Variants in SYT9 observed in about 807,000 individuals in gnomAD.
SYT9 encodes synaptotagmin 9.
A neutral mutation model predicts 48.4 loss-of-function variants in SYT9; 22 were observed. The ratio of observed to expected loss-of-function variants is 0.45; its 90% CI spans 0.32 to 0.65. The LOEUF (loss-of-function observed/expected upper bound fraction) is 0.65, where lower values mean the gene tolerates loss of function less well. Ranked by LOEUF, SYT9 falls within the 30% of genes least tolerant of loss-of-function variation. SYT9 has a pLI of 0.03. For missense variants in SYT9, 577 were observed against 622.0 expected (o/e 0.93, Z 0.77); for synonymous variants, 265 against 245.0 (o/e 1.08, Z -0.76).
chr11:7,408,820 AT>A (rs978196426), intron 3 of SYT9, among the ~76,000 whole-genome samples: 22 of 151,678 alleles, frequency 1.5e-4, no homozygotes, highest in African/African-American at 4.8e-4. Flanking sequence ...TTATTATTTC[AT>A]TTTTTTTAAT....
upstream of SYT9, among the ~76,000 whole-genome samples, chr11:7,247,770 T>C (rs1847813124): frequency 6.6e-6 from 1 of 151,732 alleles, no homozygotes; most frequent in African/African-American, 2.4e-5. Context: ...CAATTGTGAA[T>C]TGTGCTGCTA....
intron 1 of SYT9, among the ~76,000 whole-genome samples, 195 bp from the exon 2 acceptor site, chr11:7,302,844 T>C: frequency 6.6e-6 from 1 of 152,224 alleles, no homozygotes; most frequent in East Asian, 1.9e-4. Context: ...TTCTGCTCAC[T>C]GGTCCTCTGG....
intron 6 of SYT9, among the ~76,000 whole-genome samples, chr11:7,425,782 C>T (rs967530203): frequency 2.0e-5 from 3 of 151,960 alleles, no homozygotes; most frequent in South Asian, 2.1e-4. Context: ...TAGGGGATGG[C>T]GAAAGAGAAG....
intron 3 of SYT9, among the ~76,000 whole-genome samples, chr11:7,322,549 A>G (rs542154690): frequency 2.2e-4 from 34 of 152,192 alleles, no homozygotes; most frequent in Admixed American, 3.9e-4. Context: ...GAGGGAGTGA[A>G]AAGTGGCAGC....
chr11:7,299,233 C>A (rs1380567163), intron 1 of SYT9, among the ~76,000 whole-genome samples: 1 of 152,216 alleles, frequency 6.6e-6, no homozygotes, highest in Non-Finnish European at 1.5e-5. Flanking sequence ...GATGCTCCCT[C>A]TCCATTTTTG....
At chr11:7,465,998 T>C (rs1446350274) in intron 6 of SYT9, among the ~76,000 whole-genome samples, 1 of 152,116 alleles carries the variant, frequency 6.6e-6, no homozygotes, top group East Asian at 1.9e-4. Context: ...ACAACTCAAG[T>C]TGAGATTTGG....
chr11:7,442,120 C>T (rs1366015837), intron 6 of SYT9, among the ~76,000 whole-genome samples: 2 of 152,148 alleles, frequency 1.3e-5, no homozygotes, highest in Non-Finnish European at 2.9e-5. Context: ...CACTGAGAAA[C>T]TCTCCAGATA....
chr11:7,354,905 A>C (rs1849987148), intron 3 of SYT9, among the ~76,000 whole-genome samples: 1 of 151,948 alleles, frequency 6.6e-6, no homozygotes, highest in Non-Finnish European at 1.5e-5. Context: ...CTACCCCTCC[A>C]CAGATGCTAT....
chr11:7,261,835 G>T (rs1477031618), intron 1 of SYT9, among the ~76,000 whole-genome samples: 1 of 152,152 alleles, frequency 6.6e-6, no homozygotes, highest in African/African-American at 2.4e-5. Flanking sequence ...AGTAGTAGTA[G>T]ATGAGGTCAG....
chr11:7,368,724 A>G (rs543074200), intron 3 of SYT9, among the ~76,000 whole-genome samples: 80 of 152,234 alleles, frequency 5.3e-4, no homozygotes, highest in African/African-American at 1.8e-3. Flanking sequence ...GTAGTATTCC[A>G]TGGTGTATAT....
intron 6 of SYT9, among the ~76,000 whole-genome samples, chr11:7,442,386 G>C (rs758911546): frequency 6.6e-6 from 1 of 152,150 alleles, no homozygotes; most frequent in African/African-American, 2.4e-5. Context: ...TGTCAGACCC[G>C]TCTTTCGGAA....
At chr11:7,344,513 T>G (rs950123514) in intron 3 of SYT9, among the ~76,000 whole-genome samples, 5 of 152,204 alleles carry the variant, frequency 3.3e-5, no homozygotes, top group Admixed American at 1.3e-4. Flanking sequence ...TGTTTTACTC[T>G]AGAAGTTCTA....
intron 3 of SYT9, among the ~76,000 whole-genome samples, chr11:7,353,354 G>A (rs1383501809): frequency 2.6e-5 from 4 of 152,038 alleles, no homozygotes; most frequent in African/African-American, 4.8e-5. Flanking sequence ...CAACACCCAT[G>A]GCCTCTCCGG....
intron 3 of SYT9, among the ~76,000 whole-genome samples, chr11:7,356,118 A>T (rs1199383192): frequency 6.6e-6 from 1 of 152,152 alleles, no homozygotes; most frequent in Admixed American, 6.5e-5. Flanking sequence ...TACAACTGAT[A>T]ATGTATTTGA....
upstream of SYT9, among the ~76,000 whole-genome samples, chr11:7,251,689 G>A (rs992078253): frequency 6.6e-6 from 1 of 152,134 alleles, no homozygotes; most frequent in Non-Finnish European, 1.5e-5. Context: ...AGTAGCGAAA[G>A]CGCCCGGAGC....
intron 6 of SYT9, among the ~76,000 whole-genome samples, chr11:7,463,417 GA>G (rs1236797087): frequency 3.3e-5 from 5 of 152,068 alleles, no homozygotes; most frequent in African/African-American, 1.2e-4. Context: ...TAGGAGTTTG[GA>G]AAGGTGTAAT....
At chr11:7,439,614 G>A (rs572455970) in intron 6 of SYT9, 1 of 152,534 alleles carries the variant, frequency 6.6e-6, no homozygotes, top group African/African-American at 2.4e-5. Context: ...AGATTGAGCA[G>A]AGACTTCAAA....
chr11:7,257,859 C>T lies in SYT9; in HGVS notation c.145+5528C>T, dbSNP rs1848003610. ...TCTCTGCGGGACTCCTCTACATGGA[C>T]CAGTGAGTGGTTTAGTCATGAGGTA... On this transcript the variant is annotated intron_variant, in intron 1 of 6. Coordinates refer to ENST00000318881, the MANE Select transcript of SYT9 (RefSeq NM_175733.4). 2.0e-5 allele frequency among the ~76,000 whole-genome samples: 3 copies of T among 152,060 alleles called. No homozygotes were observed. The South Asian group carries it at 6.2e-4, about 31-fold the overall frequency.
intron 3 of SYT9, among the ~76,000 whole-genome samples, chr11:7,346,237 G>A (rs1005462221): frequency 2.0e-5 from 3 of 152,156 alleles, no homozygotes; most frequent in African/African-American, 4.8e-5. Context: ...GACTGAAATT[G>A]GGAAGGAATT....
Sources: gnomAD v4.1 joint callset for allele counts (sites outside exome capture counted in the v4.1 genomes callset) on GRCh38, gnomAD v4.1.1 for gene constraint, MANE v1.5 for transcripts, NCBI Gene and HGNC (gene_info 2026-07-23, HGNC 2026-07-21) for gene names.